Variants in GOLGA2 observed in about 807,000 individuals in gnomAD.
GOLGA2 encodes golgin A2.
A neutral mutation model predicts 148.8 loss-of-function variants in GOLGA2; 49 were observed. The observed-to-expected ratio is 0.33, with a 90% CI of 0.26 to 0.42. The LOEUF (loss-of-function observed/expected upper bound fraction) is 0.42. Among genes scored for constraint, GOLGA2 ranks in the 10% least tolerant of loss-of-function variants. The pLI is 1.00. For synonymous variants in GOLGA2, 501 were observed against 511.8 expected, an observed-to-expected ratio of 0.98 and a Z score of 0.28; for missense variants, 1,178 against 1,304.6, an observed-to-expected ratio of 0.90 and a Z score of 1.49.
intron 3 of GOLGA2, among the ~76,000 whole-genome samples, chr9:128,268,818 C>T (rs1442993907): frequency 6.6e-6 from 1 of 152,148 alleles, no homozygotes; most frequent in Non-Finnish European, 1.5e-5. Context: ...CTGTGGCAGC[C>T]ACAGCAGGCA....
rs764539030 is a variant in GOLGA2 at position 128,261,512 on chromosome 9, T to C, written c.1274A>G (p.Glu425Gly). 2 of 1,612,084 alleles carry C rather than the reference T, an allele frequency of 1.2e-6. No individual in the cohort carries two copies. Among genetic ancestry groups the C allele is most frequent in the South Asian group, 2.2e-5 (2 of 91,038 alleles). ...QLQMERDKYA[E>G]NLKGESAMWR... ...CATGGCGCTCTCTCCTTTGAGATTC[T>C]CCGCATATTTATCTCTCTCCATTTG... is the stretch of plus-strand genomic sequence containing the variant. Residue 425 changes from glutamate (E) to glycine (G), a missense_variant, in exon 16 of 27, where the codon GAG becomes GGG. Transcript: ENST00000611957. The surrounding 1 kb of genome is among the most constrained non-coding windows in gnomAD (Gnocchi z 5.7).
At chr9:128,268,311 G>C in intron 4 of GOLGA2, 109 bp downstream of exon 4, 1 of 1,025,014 alleles carries the variant, frequency 9.8e-7, no homozygotes, top group East Asian at 2.4e-5. Flanking sequence ...CCCCCGGCCC[G>C]GTCCCCAGGA....
chr9:128,261,732 T>C lies in GOLGA2; in HGVS notation c.1160A>G (p.Asp387Gly). Residue 387 changes from aspartate to glycine, a missense_variant, in exon 15 of 27, where the codon GAT becomes GGT. Coordinates refer to ENST00000611957, the MANE Select transcript of GOLGA2 (RefSeq NM_001366244.2). The surrounding 1 kb of genome is among the most constrained non-coding windows in gnomAD (Gnocchi z 5.7). ...GGCCTGCTGTAACTGCTGGTTAGCA[T>C]CAGGGGCTTCACACCGGCTTGAAAA... ...QQFSSRCEAP[D>G]ANQQLQQAME... 6.2e-7 allele frequency: 1 copy of C among 1,613,002 alleles called. No homozygotes were observed. The highest frequency in any genetic ancestry group is 8.5e-7 in the Non-Finnish European group (1 of 1,178,948).
chr9:128,275,755 CTT>C, intron 1 of GOLGA2, 136 bp downstream of exon 1: 1 of 594,048 alleles, frequency 1.7e-6, no homozygotes, highest in South Asian at 2.2e-5. Flanking sequence ...GCTGACAAGA[CTT>C]TGGTGGAGGG....
chr9:128,262,356 G>A (rs1217988351), intron 14 of GOLGA2, among the ~76,000 whole-genome samples: 1 of 151,746 alleles, frequency 6.6e-6, no homozygotes, highest in African/African-American at 2.4e-5. Context: ...AACAAAAATT[G>A]TCTTAAGCCC....
intron 1 of GOLGA2, chr9:128,275,406 C>A (rs1034070368): frequency 7.8e-7 from 1 of 1,287,052 alleles, no homozygotes; most frequent in Non-Finnish European, 9.9e-7. Context: ...CGCCGCTCCG[C>A]GATGGGGGAG....
chr9:128,275,439 G>A (rs1020860356), intron 1 of GOLGA2: 2 of 1,303,800 alleles, frequency 1.5e-6, no homozygotes, highest in African/African-American at 1.5e-5. Context: ...CCAGGACCCA[G>A]GTCCTTGGAG....
chr9:128,268,695 T>C (rs1246378160), intron 3 of GOLGA2, among the ~76,000 whole-genome samples, 171 bp from the exon 4 acceptor site: 1 of 152,160 alleles, frequency 6.6e-6, no homozygotes, highest in African/African-American at 2.4e-5. Flanking sequence ...CTTGGGCTGC[T>C]AGGCAGCATT....
chr9:128,268,229 C>A, intron 4 of GOLGA2, 69 bp from the exon 5 acceptor site: 1 of 1,377,518 alleles, frequency 7.3e-7, no homozygotes, highest in South Asian at 1.2e-5. Flanking sequence ...TGGGGTGAGT[C>A]AAGCTCCCAA....
In GOLGA2 at chr9:128,261,860, A is replaced by G. The variant is rs1210686444; in HGVS notation, c.1135-103T>C. On this transcript the variant is annotated intron_variant, in intron 14 of 26. Transcript: ENST00000611957. The surrounding 1 kb of genome is among the most constrained non-coding windows in gnomAD (Gnocchi z 5.7). ...CTAGGCTCAATGTGCAACTCAGTCAATACAACTCTGCTGTCAAGTTTCTTT... is the reference window on the plus strand; with the variant it reads ...CTAGGCTCAATGTGCAACTCAGTCAGTACAACTCTGCTGTCAAGTTTCTTT... 3 of 704,172 alleles carry G rather than the reference A, an allele frequency of 4.3e-6. No individual in the cohort carries two copies. The highest frequency in any genetic ancestry group is 2.6e-5 in the East Asian group (1 of 38,962). The allele number at this position is 704,172 out of a possible 1,614,324, so 43.6% of individuals were successfully genotyped here.
chr9:128,258,539 A>C lies in GOLGA2; in HGVS notation c.2205T>G (p.Asp735Glu), dbSNP rs199744363. The C allele has an allele frequency of 7.8e-5, 121 of 1,543,892 alleles. No individual in the cohort carries two copies. The highest frequency in any genetic ancestry group is 3.3e-4 in the East Asian group (14 of 42,072). ...CCGCCTCCTCCTCCTCCTCCTCCTCATCCTCCTCCTCCTCCCGGTCCAGTC... is the reference window on the plus strand; with the variant it reads ...CCGCCTCCTCCTCCTCCTCCTCCTCCTCCTCCTCCTCCTCCCGGTCCAGTC... ...GDGLDREEEE[D>E]EEEEEEEAVA... The change falls in exon 22 of 27, where the codon GAT becomes GAG. Residue 735 changes from aspartate (D) to glutamate (E), a missense_variant. By Grantham distance (45) the Asp-to-Glu change is conservative (BLOSUM62 2). Around this residue, in one of 5 missense-constraint regions of GOLGA2, gnomAD observed 529 missense variants for 521.8 expected, o/e 1.01. Transcript: ENST00000611957. The surrounding 1 kb of genome is among the most constrained non-coding windows in gnomAD (Gnocchi z 6.6).
Position 128,275,868 on chromosome 9 carries a change from G to C in GOLGA2, c.84+25C>G, listed in dbSNP as rs984977104. ...CGGAGTGGGGCTGGGGCTGGGTCGG[G>C]GGGCCGCGACCCGGTGCACTTTACC... is the stretch of plus-strand genomic sequence containing the variant. On this transcript the variant is annotated intron_variant, in intron 1 of 26. Transcript: ENST00000611957. The C allele has an allele frequency of 5.2e-6, 7 of 1,343,098 alleles. No homozygotes were observed. The African/African-American group carries it at 7.3e-5, about 14-fold the overall frequency. The allele number at this position is 1,343,098 out of a possible 1,614,324, so 83.2% of individuals were successfully genotyped here. A position where few individuals can be genotyped will look rare whatever the true frequency, so the allele number is the denominator to read the frequency against.
rs1264704707 is a variant in GOLGA2 at position 128,267,989 on chromosome 9, G to A, written c.446C>T (p.Ser149Leu). ...PNLMDETKTF[S>L]STESLRQLSQ... ...GAGTTGTCGCAGGCTCTCGGTTGAT[G>A]AGAAAGTCCTAGGGATGGAGACACA... The change falls in exon 6 of 27, where the codon TCA becomes TTA. Residue 149 changes from serine to leucine, a missense_variant. Ser to Leu is a moderately radical substitution (Grantham distance 145). Around this residue, in one of 5 missense-constraint regions of GOLGA2, gnomAD observed 304 missense variants for 404.1 expected, o/e 0.75. Transcript: ENST00000611957. 1.9e-6 allele frequency: 3 copies of A among 1,613,950 alleles called. No homozygotes were observed. Among genetic ancestry groups the A allele is most frequent in the Admixed American group, 1.7e-5 (1 of 60,024 alleles).
At position 128,261,001 on chromosome 9, in the gene GOLGA2, G is replaced by T; in HGVS notation, c.1420+171C>A. 1.5e-6 allele frequency: 1 copy of T among 673,866 alleles called. No homozygotes were observed. 41.7% of individuals were successfully genotyped at this position (673,866 alleles called of 1,614,324 possible). A position where few individuals can be genotyped will look rare whatever the true frequency, so the allele number is the denominator to read the frequency against. On this transcript the variant is annotated intron_variant, in intron 17 of 26. Transcript: ENST00000611957. This position sits in a 1 kb window ranked among gnomAD's most constrained non-coding sequence, Gnocchi z 5.7. ...CAACGGGCACTCCTTCGTCTTTGCT[G>T]ATGGGGCACTGAGGCTCATGGAGAT...
Position 128,275,859 on chromosome 9 carries a change from C to A in GOLGA2, c.84+34G>T, listed in dbSNP as rs1173371021. On this transcript the variant is annotated intron_variant, in intron 1 of 26. Coordinates refer to ENST00000611957, the MANE Select transcript of GOLGA2 (RefSeq NM_001366244.2). ...TCCTGCCATCGGAGTGGGGCTGGGG[C>A]TGGGTCGGGGGGCCGCGACCCGGTG... The A allele has an allele frequency of 8.6e-6, 10 of 1,164,562 alleles. No homozygotes were observed. In the East Asian group the frequency reaches 1.8e-4, roughly 21 times the overall value. 72.1% of individuals were successfully genotyped at this position (1,164,562 alleles called of 1,614,324 possible).
At position 128,265,642 on chromosome 9, in the gene GOLGA2, C is replaced by G. The variant is rs142548792; in HGVS notation, c.876G>C (p.Val292=). ...CAGAGAGAGCCCGCTCCAACTCTCC[C>G]ACACGCCGCCGGGAATACTGCAGGC... ...ASRLQYSRRR[V]GELERALSAV... is the part of the protein sequence containing the mutation. The change falls in exon 12 of 27, where the codon GTG becomes GTC. Residue 292 remains valine, a synonymous_variant. Transcript: ENST00000611957. 1 of 1,613,952 alleles carries G rather than the reference C, an allele frequency of 6.2e-7. No individual in the cohort carries two copies. Among genetic ancestry groups the G allele is most frequent in the Admixed American group, 1.7e-5 (1 of 60,026 alleles).
At chr9:128,275,290 G>T in intron 1 of GOLGA2, 1 of 720,170 alleles carries the variant, frequency 1.4e-6, no homozygotes. Context: ...AGGGGACTGG[G>T]TCCTAAGATC....
chr9:128,262,732 A>C (rs1437267230), intron 13 of GOLGA2, 28 bp from the exon 14 acceptor site: 7 of 1,603,674 alleles, frequency 4.4e-6, no homozygotes, highest in Non-Finnish European at 6.0e-6. Flanking sequence ...AGAGAAAGGA[A>C]TGAACGAAGA....
At chr9:128,274,962 C>T (rs1304432940) in intron 1 of GOLGA2, among the ~76,000 whole-genome samples, 4 of 152,176 alleles carry the variant, frequency 2.6e-5, no homozygotes, top group Admixed American at 2.6e-4. Context: ...CCAGAGACCA[C>T]TGAAGGGCAC....
Sources: gnomAD v4.1 joint callset for allele counts (sites outside exome capture counted in the v4.1 genomes callset) on GRCh38, gnomAD v4.1.1 for gene constraint, gnomAD v4.1.1 regional missense constraint, Gnocchi (gnomAD v3.1) non-coding constraint, MANE v1.5 for transcripts, NCBI Gene and HGNC (gene_info 2026-07-23, HGNC 2026-07-21) for gene names.